Variants in IZUMO1 observed in about 807,000 individuals in gnomAD.
IZUMO1 encodes the protein izumo sperm-oocyte fusion 1.
Under a neutral mutation model 40.7 loss-of-function variants are expected in IZUMO1, and 44 were observed. That is an observed-to-expected ratio of 1.08 (90% CI 0.85 to 1.39). IZUMO1 has a LOEUF of 1.39. IZUMO1 is among the 40% of genes most tolerant of loss of function. The probability of loss-of-function intolerance (pLI) is 0.00; values close to 1 mark genes in which losing one functional copy is unlikely to be tolerated. For missense variants in IZUMO1, 368 were observed against 436.9 expected (o/e 0.84, Z 1.41); for synonymous variants, 149 against 170.9 (o/e 0.87, Z 1.00).
chr19:48,745,523 A>T lies in IZUMO1; in HGVS notation c.235+102T>A, dbSNP rs555391219. The T allele has an allele frequency of 5.4e-5, 77 of 1,412,912 alleles. No homozygotes were observed. The South Asian group carries it at 9.2e-4, about 17-fold the overall frequency. The allele number at this position is 1,412,912 out of a possible 1,614,324, so 87.5% of individuals were successfully genotyped here. ...CGGAATCTGCATCTCAGCCTTCTCC[A>T]TTCCCGAATCCCGGAGACCCTGCTG... On this transcript the variant is annotated intron_variant, in intron 2 of 9. Coordinates refer to ENST00000332955, the MANE Select transcript of IZUMO1 (RefSeq NM_182575.3).
intron 2 of IZUMO1, 33 bp from the exon 3 acceptor site, chr19:48,745,321 C>T (rs779331952): frequency 5.8e-5 from 92 of 1,575,928 alleles, no homozygotes; most frequent in Non-Finnish European, 3.9e-5. Flanking sequence ...AGATTCCAGC[C>T]TTACTGTCTC....
rs1293903247 is a variant in IZUMO1 at position 48,745,931 on chromosome 19, C to G, written c.-72G>C. The G allele has an allele frequency of 6.9e-6, 11 of 1,589,706 alleles. No individual in the cohort carries two copies. In the East Asian group the frequency reaches 2.3e-4, roughly 33 times the overall value. ...TCACCCCAAACCGAGAGCAGGAGAA[C>G]GCTAAACGGAGAAAAGCCAAAATCC... On this transcript the variant is annotated splice_region_variant and 5_prime_UTR_variant, in exon 2 of 10. Transcript: ENST00000332955.
At chr19:48,743,628 G>T in intron 5 of IZUMO1, 103 bp from the exon 6 acceptor site, 1 of 882,528 alleles carries the variant, frequency 1.1e-6, no homozygotes, top group Non-Finnish European at 1.9e-6. Context: ...GACATTCCTA[G>T]ATGGTCAGAC....
chr19:48,745,351 GA>G, intron 2 of IZUMO1, 63 bp from the exon 3 acceptor site: 1 of 1,450,800 alleles, frequency 6.9e-7, no homozygotes, highest in East Asian at 2.3e-5. Flanking sequence ...CCTAATCTTA[GA>G]AACTACAATA....
rs187460205 is a variant in IZUMO1, at chr19:48,744,397, G to A, written c.397+56C>T. The stretch of plus-strand genomic sequence containing the variant: ...GGAGAAGTAAGGGGCTGGAGACAAG[G>A]ACTCTTGGATAGTGGAAAGAGGAGC... On this transcript the variant is annotated intron_variant, in intron 4 of 9. Transcript: ENST00000332955. The A allele has an allele frequency of 2.5e-4, 353 of 1,388,986 alleles. 2 individuals carry two copies. In the African/African-American group the frequency reaches 4.5e-3, roughly 18 times the overall value. 86.0% of individuals were successfully genotyped at this position (1,388,986 alleles called of 1,614,324 possible). A position where few individuals can be genotyped will look rare whatever the true frequency, so the allele number is the denominator to read the frequency against.
intron 5 of IZUMO1, 132 bp from the exon 6 acceptor site, chr19:48,743,657 CG>C: frequency 1.4e-6 from 1 of 712,944 alleles, no homozygotes; most frequent in Admixed American, 2.1e-5. Context: ...AGGACCAGGA[CG>C]CAGGTAAGTA....
intron 1 of IZUMO1, 114 bp downstream of exon 1, chr19:48,746,321 C>G (rs561590211): frequency 2.4e-5 from 24 of 1,012,386 alleles, no homozygotes; most frequent in South Asian, 2.0e-4. Flanking sequence ...GCCAGCCCCC[C>G]AAAACCTGTT....
At position 48,741,478 on chromosome 19, in the gene IZUMO1, A is replaced by G. The variant is rs758063599; in HGVS notation, c.755T>C (p.Val252Ala). 18 of 1,602,370 alleles carry G rather than the reference A, an allele frequency of 1.1e-5. No homozygotes were observed. In the Admixed American group the frequency reaches 1.3e-4, roughly 12 times the overall value. Residue 252 changes from valine to alanine, a missense_variant and splice_region_variant, in exon 9 of 10, where the codon GTG (valine) becomes GCG (alanine). Coordinates refer to ENST00000332955, the MANE Select transcript of IZUMO1 (RefSeq NM_182575.3). The surrounding 1 kb of genome is among the most constrained non-coding windows in gnomAD (Gnocchi z 4.4). ...TTCCTCCTTGATCATTTTGGGCAAC[A>G]CTGTTAGAGAAAGCGTAAAGAGCAG... ...PATIINFHVT[V>A]LPKMIKEEKP...
In IZUMO1 at chr19:48,741,156, C is replaced by T; in HGVS notation, c.933-128G>A. 6 of 1,481,950 alleles carry T rather than the reference C, an allele frequency of 4.0e-6. No homozygotes were observed. The highest frequency in any genetic ancestry group is 5.5e-6 in the Non-Finnish European group (6 of 1,095,928). The allele number at this position is 1,481,950 out of a possible 1,614,324, so 91.8% of individuals were successfully genotyped here. On this transcript the variant is annotated intron_variant, in intron 9 of 9. Coordinates refer to ENST00000332955, the MANE Select transcript of IZUMO1 (RefSeq NM_182575.3). This position sits in a 1 kb window ranked among gnomAD's most constrained non-coding sequence, Gnocchi z 4.4. Reference sequence around the variant, plus strand: ...TACCTAAGCCTCGCCCTTCGAAGTCCTCCTATTCAAGCCCCCCGCACTCCA... The same window carrying T: ...TACCTAAGCCTCGCCCTTCGAAGTCTTCCTATTCAAGCCCCCCGCACTCCA...
chr19:48,742,397 G>A (rs2033731803), intron 6 of IZUMO1, 88 bp from the exon 7 acceptor site: 1 of 909,198 alleles, frequency 1.1e-6, no homozygotes, highest in African/African-American at 1.6e-5. Flanking sequence ...GCCCAGGCTG[G>A]AATGCATTGG....
rs1309980657 is a variant in IZUMO1, at chr19:48,741,875, A to T, written c.668T>A (p.Val223Glu). ...GTAGCTGCCTGCATCCTCTGGACCCACCATGGGCTTGGTCAGGGTGGCCTC... is the reference window on the plus strand; with the variant it reads ...GTAGCTGCCTGCATCCTCTGGACCCTCCATGGGCTTGGTCAGGGTGGCCTC... ...GKEATLTKPM[V>E]GPEDAGSYRC... The change falls in exon 8 of 10, where the codon GTG becomes GAG. Residue 223 changes from valine to glutamate, a missense_variant. Physicochemically the swap from Val to Glu is moderately radical, Grantham distance 121. Transcript: ENST00000332955. This position sits in a 1 kb window ranked among gnomAD's most constrained non-coding sequence, Gnocchi z 4.4. The T allele has an allele frequency of 6.2e-7, 1 of 1,612,470 alleles. No individual in the cohort carries two copies.
Position 48,741,044 on chromosome 19 carries a change from G to C in IZUMO1, c.933-16C>G, listed in dbSNP as rs1193125013. ...ACGAAATATCCTAGGGGTGGGAGTG[G>C]GGTGCAGATCATGGAACCGGTTTGG... is the stretch of plus-strand genomic sequence containing the variant. On this transcript the variant is annotated splice_polypyrimidine_tract_variant and intron_variant, in intron 9 of 9. Coordinates refer to ENST00000332955, the MANE Select transcript of IZUMO1 (RefSeq NM_182575.3). The surrounding 1 kb of genome is among the most constrained non-coding windows in gnomAD (Gnocchi z 4.4). 3 of 1,613,480 alleles carry C rather than the reference G, an allele frequency of 1.9e-6. No individual in the cohort carries two copies. The highest frequency in any genetic ancestry group is 3.5e-4 in the Middle Eastern group (2 of 5,640).
At chr19:48,745,137 T>C in intron 3 of IZUMO1, 77 bp downstream of exon 3, 4 of 1,236,344 alleles carry the variant, frequency 3.2e-6, no homozygotes, top group Non-Finnish European at 2.4e-6. Flanking sequence ...CAGCCTAGTA[T>C]CTGACCAAGA....
At chr19:48,745,955 C>A in intron 1 of IZUMO1, 23 bp from the exon 2 acceptor site, 1 of 1,549,852 alleles carries the variant, frequency 6.5e-7, no homozygotes, top group Non-Finnish European at 8.7e-7. Context: ...AAGCCAAAAT[C>A]CATCTTAAGA....
At chr19:48,745,334 T>A in intron 2 of IZUMO1, 46 bp from the exon 3 acceptor site, 1 of 1,538,398 alleles carries the variant, frequency 6.5e-7, no homozygotes, top group Non-Finnish European at 9.0e-7. Context: ...ACTGTCTCAT[T>A]GGCGCGCCTA....
At chr19:48,743,988 C>A in intron 5 of IZUMO1, 187 bp downstream of exon 5, 2 of 639,346 alleles carry the variant, frequency 3.1e-6, no homozygotes, top group Non-Finnish European at 5.6e-6. Context: ...GAGACTGTCT[C>A]AAAAAAAAGA....
chr19:48,744,055 G>C (rs2033804362), intron 5 of IZUMO1, 120 bp downstream of exon 5: 1 of 838,588 alleles, frequency 1.2e-6, no homozygotes, highest in Admixed American at 2.0e-5. Flanking sequence ...AAGAATACTG[G>C]AGACCCAGGA....
At position 48,740,958 on chromosome 19, in the gene IZUMO1, C is replaced by T; in HGVS notation, c.1003G>A (p.Glu335Lys). The change falls in exon 10 of 10, where the codon GAG becomes AAG. Residue 335 changes from glutamate (E) to lysine (K), a missense_variant. By Grantham distance (56) the Glu-to-Lys change is moderately conservative. Transcript: ENST00000332955. This position sits in a 1 kb window ranked among gnomAD's most constrained non-coding sequence, Gnocchi z 5.5. ...SLFGLGSGAA[E>K]QTQVPKEKAT... is the part of the protein sequence containing the mutation. ...TTTTCTTTTGGGACCTGGGTTTGCT[C>T]GGCCGCTCCACTGCCAAGGCCAAAC... The T allele has an allele frequency of 6.2e-7, 1 of 1,614,152 alleles. No individual in the cohort carries two copies. The highest frequency in any genetic ancestry group is 2.2e-5 in the East Asian group (1 of 44,890).
At chr19:48,742,134 G>C (rs559239497) in intron 7 of IZUMO1, 75 bp downstream of exon 7, 1 of 1,494,946 alleles carries the variant, frequency 6.7e-7, no homozygotes, top group African/African-American at 1.4e-5. Context: ...AGAATCGTGG[G>C]TGCAGGCCCA....
Sources: allele counts gnomAD v4.1 joint callset, GRCh38; gene constraint gnomAD v4.1.1; non-coding constraint Gnocchi (gnomAD v3.1); transcripts MANE v1.5; gene names NCBI Gene and HGNC (gene_info 2026-07-23, HGNC 2026-07-21).